Variants in DPYSL2 observed in about 807,000 individuals in gnomAD.
DPYSL2 encodes dihydropyrimidinase-related protein 2.
A neutral mutation model predicts 69.9 loss-of-function variants in DPYSL2; 13 were observed. That is an observed-to-expected ratio of 0.19 (90% CI 0.12 to 0.30). DPYSL2 has a LOEUF of 0.30. DPYSL2 is among the 10% of genes least tolerant of loss of function. DPYSL2 has a pLI of 1.00. For synonymous variants in DPYSL2, 326 were observed against 359.1 expected (o/e 0.91, Z 1.04); for missense variants, 587 against 918.9 (o/e 0.64, Z 4.67).
chr8:26,550,552 C>A (rs1800857551), intron 1 of DPYSL2, among the ~76,000 whole-genome samples: 1 of 122,884 alleles, frequency 8.1e-6, no homozygotes, highest in South Asian at 2.7e-4. Flanking sequence ...AAGAAACCCA[C>A]CCTAAATATA....
rs915503721 is a variant in DPYSL2 at position 26,560,839 on chromosome 8, G to T, written c.355-21130G>T. ...AATCACCAGCAGTTACAAAGTGCTGGTTCCACCCATTTTCCAACCAGAAAG... is the reference window on the plus strand; with the variant it reads ...AATCACCAGCAGTTACAAAGTGCTGTTTCCACCCATTTTCCAACCAGAAAG... On this transcript the variant is annotated intron_variant, in intron 1 of 13. Transcript: ENST00000521913. The surrounding 1 kb of genome is among the most constrained non-coding windows in gnomAD (Gnocchi z 4.4). Among the ~76,000 whole-genome samples the T allele has an allele frequency of 6.6e-6, 1 of 152,178 alleles. No homozygotes were observed. Among genetic ancestry groups the T allele is most frequent in the Admixed American group, 6.5e-5 (1 of 15,284 alleles).
rs927516640 is a variant in DPYSL2, at chr8:26,621,674, A to G, written c.629-2469A>G. Among the ~76,000 whole-genome samples the G allele has an allele frequency of 6.6e-6, 1 of 152,092 alleles. No individual in the cohort carries two copies. The highest frequency in any genetic ancestry group is 2.4e-5 in the African/African-American group (1 of 41,408). On this transcript the variant is annotated intron_variant, in intron 3 of 13. Transcript: ENST00000521913. The surrounding 1 kb of genome is among the most constrained non-coding windows in gnomAD (Gnocchi z 4.9). ...TAGCCCCAGTGAGAAGGATGAGGAGATGCCCAAGTCAAGAGCGAGGGGAAT... is the reference window on the plus strand; with the variant it reads ...TAGCCCCAGTGAGAAGGATGAGGAGGTGCCCAAGTCAAGAGCGAGGGGAAT...
Position 26,646,915 on chromosome 8 carries a change from C to T in DPYSL2, c.1426-715C>T, listed in dbSNP as rs546099030. ...GGAGGATTGCTTGAGCCTGAGAGGC[C>T]GAGGCTGCAGTGAGCTGTGATCACT... On this transcript the variant is annotated intron_variant, in intron 10 of 13. Transcript: ENST00000521913. Among the ~76,000 whole-genome samples the T allele has an allele frequency of 1.9e-3, 288 of 151,642 alleles. 2 individuals are homozygous for T. Among genetic ancestry groups the T allele is most frequent in the Non-Finnish European group, 3.1e-3 (213 of 67,900 alleles).
chr8:26,596,815 G>A (rs1804609835), intron 3 of DPYSL2, among the ~76,000 whole-genome samples: 1 of 152,214 alleles, frequency 6.6e-6, no homozygotes. Context: ...CCTAGAATGC[G>A]AGAGGAACGT....
chr8:26,629,007 G>T (rs539835334), intron 7 of DPYSL2, among the ~76,000 whole-genome samples: 1 of 152,294 alleles, frequency 6.6e-6, no homozygotes, highest in South Asian at 2.1e-4. Context: ...GGGTGCAGGA[G>T]GGGGTGGTTG....
In DPYSL2 at chr8:26,653,296, C is replaced by A. The variant is rs374825617; in HGVS notation, c.1841C>A (p.Thr614Lys). ...YDGPVCEVSV[T>K]PKTVTPASSA... ...GGACCTGTGTGTGAAGTGTCTGTGA[C>A]GCCCAAGACAGTCACTCCAGCCTCC... Residue 614 changes from threonine (T) to lysine (K), a missense_variant, in exon 13 of 14, where the codon ACG becomes AAG. Coordinates refer to ENST00000521913, the MANE Select transcript of DPYSL2 (RefSeq NM_001197293.3). This position sits in a 1 kb window ranked among gnomAD's most constrained non-coding sequence, Gnocchi z 5.7. 6.2e-7 allele frequency: 1 copy of A among 1,614,130 alleles called. No individual in the cohort carries two copies. The highest frequency in any genetic ancestry group is 8.5e-7 in the Non-Finnish European group (1 of 1,180,024).
intron 1 of DPYSL2, among the ~76,000 whole-genome samples, chr8:26,519,557 C>T (rs1808352015): frequency 6.6e-6 from 1 of 152,158 alleles, no homozygotes; most frequent in African/African-American, 2.4e-5. Context: ...CTTGCCCCAA[C>T]ACTGTCTGAT....
chr8:26,524,835 A>AAAAAAAAAAAAAAAAAG (rs1563374151), intron 1 of DPYSL2, among the ~76,000 whole-genome samples: 7 of 74,228 alleles, frequency 9.4e-5, no homozygotes, highest in Admixed American at 2.0e-4. Context: ...AAAAAAAAAA[A>AAAAAAAAAAAAAAAAAG]AGAGAGAGAA....
intron 1 of DPYSL2, among the ~76,000 whole-genome samples, chr8:26,549,328 A>G (rs896987784): frequency 6.6e-6 from 1 of 152,168 alleles, no homozygotes; most frequent in African/African-American, 2.4e-5. Context: ...AGAAAGAATC[A>G]GCGAGCTTGA....
At chr8:26,649,362 C>T (rs554784433) in intron 11 of DPYSL2, among the ~76,000 whole-genome samples, 2 of 152,218 alleles carry the variant, frequency 1.3e-5, no homozygotes, top group Middle Eastern at 3.4e-3. Flanking sequence ...TGGCTGGGCT[C>T]GTTATTTAAG....
rs145240939 is a variant in DPYSL2, at chr8:26,646,385, A to G, written c.1426-1245A>G. Among the ~76,000 whole-genome samples, 381 of 152,264 alleles carry G rather than the reference A, an allele frequency of 2.5e-3. 1 individual carries two copies. The highest frequency in any genetic ancestry group is 8.6e-3 in the African/African-American group (356 of 41,558). On this transcript the variant is annotated intron_variant, in intron 10 of 13. Transcript: ENST00000521913. ...TTGTACTGCTTTATACGCCACCACC[A>G]ATATATGTCATTCCCCAGTGTCTTC...
chr8:26,580,920 T>C lies in DPYSL2; in HGVS notation c.355-1049T>C, dbSNP rs540036916. Among the ~76,000 whole-genome samples the C allele has an allele frequency of 1.3e-5, 2 of 152,212 alleles. No individual in the cohort carries two copies. Among genetic ancestry groups the C allele is most frequent in the Non-Finnish European group, 2.9e-5 (2 of 68,030 alleles). ...AATAACGATGAGTCATAATGTAGCATTTCTGTCACATTCTCAGACTTTATC... is the reference window on the plus strand; with the variant it reads ...AATAACGATGAGTCATAATGTAGCACTTCTGTCACATTCTCAGACTTTATC... On this transcript the variant is annotated intron_variant, in intron 1 of 13. Coordinates refer to ENST00000521913, the MANE Select transcript of DPYSL2 (RefSeq NM_001197293.3). The surrounding 1 kb of genome is among the most constrained non-coding windows in gnomAD (Gnocchi z 4.1).
rs763295388 is a variant in DPYSL2, at chr8:26,571,084, G to A, written c.355-10885G>A. 6.6e-6 allele frequency among the ~76,000 whole-genome samples: 1 copy of A among 152,182 alleles called. No homozygotes were observed. Among genetic ancestry groups the A allele is most frequent in the Non-Finnish European group, 1.5e-5 (1 of 68,036 alleles). On this transcript the variant is annotated intron_variant, in intron 1 of 13. Coordinates refer to ENST00000521913, the MANE Select transcript of DPYSL2 (RefSeq NM_001197293.3). The surrounding 1 kb of genome is among the most constrained non-coding windows in gnomAD (Gnocchi z 6.1). ...CCACTCTTTCATAATGTTCCCCCTG[G>A]ACAAAGAGCAGACCAGTGATGCCCT...
chr8:26,529,485 T>C (rs1563375999), intron 1 of DPYSL2, among the ~76,000 whole-genome samples: 2 of 151,998 alleles, frequency 1.3e-5, no homozygotes. Flanking sequence ...CCTGGCTCAT[T>C]TTTTAATTTT....
At chr8:26,532,145 G>A (rs1429240302) in intron 1 of DPYSL2, among the ~76,000 whole-genome samples, 4 of 152,150 alleles carry the variant, frequency 2.6e-5, no homozygotes, top group Non-Finnish European at 5.9e-5. Flanking sequence ...AGGAGGGATT[G>A]GCTTCAAGTA....
chr8:26,568,230 T>G (rs1272149364), intron 1 of DPYSL2, among the ~76,000 whole-genome samples: 1 of 152,166 alleles, frequency 6.6e-6, no homozygotes, highest in East Asian at 1.9e-4. Flanking sequence ...TTGATGACAC[T>G]GTGGGGGTGG....
chr8:26,623,974 C>G, intron 3 of DPYSL2, 169 bp from the exon 4 acceptor site: 1 of 686,952 alleles, frequency 1.5e-6, no homozygotes, highest in Non-Finnish European at 2.4e-6. Flanking sequence ...TGCTTTCTCC[C>G]TCTTGGATAA....
rs1472655470 is a variant in DPYSL2 at position 26,626,791 on chromosome 8, G to T, written c.855+113G>T. On this transcript the variant is annotated intron_variant, in intron 5 of 13. Transcript: ENST00000521913. The surrounding 1 kb of genome is among the most constrained non-coding windows in gnomAD (Gnocchi z 4.3). ...CATGTTTCCTAGCTTCCTGGGAAGT[G>T]GCTGGTGGATGCAGTTACTGATGTA... is the stretch of plus-strand genomic sequence containing the variant. 3.1e-5 allele frequency: 35 copies of T among 1,134,038 alleles called. No homozygotes were observed. Among genetic ancestry groups the T allele is most frequent in the Middle Eastern group, 4.0e-4 (2 of 5,000 alleles). 70.2% of individuals were successfully genotyped at this position (1,134,038 alleles called of 1,614,324 possible).
rs991025813 is a variant in DPYSL2, at chr8:26,514,872, G to C, written c.354+193G>C. Reference sequence around the variant, plus strand: ...GGCTCGGGCTGGGCGGTGGGCGGCCGTGCGCCCACAAAGGCTGCCCGCGTC... The same window carrying C: ...GGCTCGGGCTGGGCGGTGGGCGGCCCTGCGCCCACAAAGGCTGCCCGCGTC... On this transcript the variant is annotated intron_variant, in intron 1 of 13. Coordinates refer to ENST00000521913, the MANE Select transcript of DPYSL2 (RefSeq NM_001197293.3). This position sits in a 1 kb window ranked among gnomAD's most constrained non-coding sequence, Gnocchi z 8.4. Among the ~76,000 whole-genome samples the C allele has an allele frequency of 6.6e-6, 1 of 152,194 alleles. No homozygotes were observed. The highest frequency in any genetic ancestry group is 1.5e-5 in the Non-Finnish European group (1 of 68,018).
Sources: allele counts gnomAD v4.1 joint callset (sites outside exome capture counted in the v4.1 genomes callset), GRCh38; gene constraint gnomAD v4.1.1; non-coding constraint Gnocchi (gnomAD v3.1); transcripts MANE v1.5; gene names NCBI Gene and HGNC (gene_info 2026-07-23, HGNC 2026-07-21).